The following EXD1 variants were observed in gnomAD, a reference collection of about 807,000 sequenced individuals.
EXD1 encodes the protein exonuclease 3'-5' domain containing 1.
A neutral mutation model predicts 49.1 loss-of-function variants in EXD1; 63 were observed. The ratio of observed to expected loss-of-function variants is 1.28; its 90% CI spans 1.05 to 1.58. The LOEUF (loss-of-function observed/expected upper bound fraction) is 1.58, where lower values mean the gene tolerates loss of function less well. Ranked by LOEUF, EXD1 falls within the 40% of genes most tolerant of loss-of-function variation. EXD1 has a pLI of 0.00. For synonymous variants in EXD1, 234 were observed against 239.2 expected, an observed-to-expected ratio of 0.98 and a Z score of 0.20; for missense variants, 748 against 666.0, an observed-to-expected ratio of 1.12 and a Z score of -1.36.
chr15:41,208,367 C>CT, intron 7 of EXD1, among the ~76,000 whole-genome samples: 1 of 94,504 alleles, frequency 1.1e-5, no homozygotes, highest in African/African-American at 5.1e-5. Flanking sequence ...GAACTCATCT[C>CT]TGAAAAAAAA....
At chr15:41,210,339 A>G (rs544421225) in intron 6 of EXD1, among the ~76,000 whole-genome samples, 1 of 152,352 alleles carries the variant, frequency 6.6e-6, no homozygotes, top group African/African-American at 2.4e-5. Context: ...ACTGCTCAGA[A>G]AGACAGAAAC....
intron 6 of EXD1, among the ~76,000 whole-genome samples, chr15:41,210,431 C>A (rs895250064): frequency 1.3e-5 from 2 of 152,138 alleles, no homozygotes; most frequent in South Asian, 4.1e-4. Flanking sequence ...GTGGCTCATG[C>A]CTATAATCCC....
intron 11 of EXD1, 61 bp from the exon 12 acceptor site, chr15:41,184,654 A>AGTTTATTATAACTAAACTTCTGAATATGG: frequency 7.0e-7 from 1 of 1,420,098 alleles, no homozygotes; most frequent in Non-Finnish European, 9.2e-7. Context: ...GGTACTTAAA[A>AGTTTATTATAACTAAACTTCTGAATATGG]TCACTTTTTT....
chr15:41,217,043 C>T (rs1314410425), intron 4 of EXD1, 54 bp downstream of exon 4: 78 of 1,496,888 alleles, frequency 5.2e-5, no homozygotes, highest in East Asian at 5.0e-4. Flanking sequence ...AGGCTTTCTA[C>T]CCTAATGTGC....
chr15:41,217,171 T>C lies in EXD1; in HGVS notation c.203-17A>G, dbSNP rs764023234. 6.2e-7 allele frequency: 1 copy of C among 1,610,302 alleles called. No homozygotes were observed. The highest frequency in any genetic ancestry group is 1.3e-5 in the African/African-American group (1 of 75,000). ...GTAGTTCCACTGTAAAATAACCAAA[T>C]GGCTTCCAACAGAGTTTCCAATCAG... On this transcript the variant is annotated splice_polypyrimidine_tract_variant and intron_variant, in intron 3 of 11. Transcript: ENST00000458580.
intron 11 of EXD1, among the ~76,000 whole-genome samples, chr15:41,187,473 T>G (rs570603072): frequency 1.1e-4 from 16 of 152,310 alleles, no homozygotes; most frequent in African/African-American, 3.8e-4. Flanking sequence ...GGGGGGATGT[T>G]GGAACCAATC....
chr15:41,219,480 A>T (rs183973844), intron 3 of EXD1: 10 of 197,270 alleles, frequency 5.1e-5, no homozygotes, highest in African/African-American at 9.3e-5. Flanking sequence ...TTCCAGAAAA[A>T]TTCTTGATTC....
rs2046514487 is a variant in EXD1, at chr15:41,191,471, A to G, written c.835T>C (p.Phe279Leu). Residue 279 changes from phenylalanine to leucine, a missense_variant, in exon 10 of 12, where the codon TTT (phenylalanine) becomes CTT (leucine). Coordinates refer to ENST00000458580, the MANE Select transcript of EXD1 (RefSeq NM_001286441.2). ...ATTAGTTTTTGTCTCTTTTCTAGAA[A>G]GGAGAGATATTTAGGGGCTACTTGA... ...HLQVAPKYLS[F>L]LEKRQKLIQE... 1.2e-6 allele frequency: 2 copies of G among 1,611,918 alleles called. No individual in the cohort carries two copies. The highest frequency in any genetic ancestry group is 8.5e-7 in the Non-Finnish European group (1 of 1,178,268).
At chr15:41,199,709 T>TATATGATATATTATATATCAC (rs2046680325) in intron 7 of EXD1, among the ~76,000 whole-genome samples, 1 of 84,914 alleles carries the variant, frequency 1.2e-5, no homozygotes, top group African/African-American at 4.7e-5. Flanking sequence ...ACATATATCA[T>TATATGATATATTATATATCAC]ATATATGATA....
chr15:41,199,747 T>TAATATATCATATATGTGA (rs558589077), intron 7 of EXD1, among the ~76,000 whole-genome samples: 2 of 99,758 alleles, frequency 2.0e-5, no homozygotes, highest in African/African-American at 4.0e-5. Context: ...ATGTCATATA[T>TAATATATCATATATGTGA]TATATATGAT....
intron 6 of EXD1, among the ~76,000 whole-genome samples, chr15:41,214,776 C>T (rs1017564011): frequency 2.6e-5 from 4 of 151,616 alleles, no homozygotes; most frequent in African/African-American, 4.8e-5. Flanking sequence ...GATGGAGTCT[C>T]GCTCTGTCAC....
intron 9 of EXD1, among the ~76,000 whole-genome samples, chr15:41,195,015 A>G (rs893245123): frequency 6.6e-6 from 1 of 152,192 alleles, no homozygotes; most frequent in African/African-American, 2.4e-5. Flanking sequence ...TTTCCCTTTT[A>G]CTATCATAAA....
intron 6 of EXD1, among the ~76,000 whole-genome samples, chr15:41,213,882 A>G (rs536218951): frequency 9.5e-4 from 145 of 152,368 alleles, no homozygotes; most frequent in Non-Finnish European, 1.7e-3. Flanking sequence ...AATAAATTGT[A>G]TGGCATGTGG....
intron 2 of EXD1, among the ~76,000 whole-genome samples, chr15:41,223,589 C>T (rs1051688882): frequency 1.3e-5 from 2 of 151,824 alleles, no homozygotes; most frequent in Admixed American, 1.3e-4. Flanking sequence ...AGGCCTGGCA[C>T]ATTGGCTCAT....
At chr15:41,201,075 T>C (rs906513780) in intron 7 of EXD1, among the ~76,000 whole-genome samples, 6 of 152,054 alleles carry the variant, frequency 3.9e-5, no homozygotes, top group African/African-American at 1.4e-4. Context: ...GGTTTCACCA[T>C]GTTGGCCAGG....
chr15:41,209,774 G>T (rs1180001642), intron 6 of EXD1, among the ~76,000 whole-genome samples, 187 bp from the exon 7 acceptor site: 1 of 52,164 alleles, frequency 1.9e-5, no homozygotes, highest in Non-Finnish European at 6.6e-5. Context: ...GAATACTTCT[G>T]ATTCTTTTTT....
chr15:41,208,058 T>C (rs2046861689), intron 7 of EXD1, among the ~76,000 whole-genome samples: 1 of 149,640 alleles, frequency 6.7e-6, no homozygotes, highest in Non-Finnish European at 1.5e-5. Context: ...AGGACAGCTG[T>C]AGACAACTGC....
intron 11 of EXD1, among the ~76,000 whole-genome samples, chr15:41,185,166 C>T (rs1443372112): frequency 1.3e-5 from 2 of 152,192 alleles, no homozygotes; most frequent in African/African-American, 2.4e-5. Flanking sequence ...AGTCTCCCTT[C>T]CAGCCTGGCC....
At chr15:41,208,339 G>A (rs1453425832) in intron 7 of EXD1, among the ~76,000 whole-genome samples, 1 of 129,716 alleles carries the variant, frequency 7.7e-6, no homozygotes, top group Non-Finnish European at 1.5e-5. Context: ...TTTGAGACCA[G>A]CCTGGACAAT....
Sources: allele counts gnomAD v4.1 joint callset (sites outside exome capture counted in the v4.1 genomes callset), GRCh38; gene constraint gnomAD v4.1.1; transcripts MANE v1.5; gene names NCBI Gene and HGNC (gene_info 2026-07-23, HGNC 2026-07-21).